The following DAB1 variants were observed in gnomAD, a reference collection of about 807,000 sequenced individuals.
The protein encoded by DAB1 is DAB adaptor protein 1.
A neutral mutation model predicts 64.6 loss-of-function variants in DAB1; 15 were observed. The ratio of observed to expected loss-of-function variants is 0.23; its 90% CI spans 0.16 to 0.36. The LOEUF (loss-of-function observed/expected upper bound fraction) is 0.36, where lower values mean the gene tolerates loss of function less well. Among genes scored for constraint, DAB1 ranks in the 10% least tolerant of loss-of-function variants. DAB1 has a pLI of 1.00. For missense variants in DAB1, 596 were observed against 706.7 expected (o/e 0.84, Z 1.78); for synonymous variants, 235 against 251.9 (o/e 0.93, Z 0.64).
chr1:58,118,513 C>T (rs1299971992), intron 5 of DAB1, among the ~76,000 whole-genome samples: 4 of 106,902 alleles, frequency 3.7e-5, no homozygotes, highest in African/African-American at 1.5e-4. Context: ...TACACACACA[C>T]ACACACACAT....
intron 1 of DAB1, among the ~76,000 whole-genome samples, chr1:57,306,271 A>G (rs1417275584): frequency 6.6e-6 from 1 of 152,130 alleles, no homozygotes; most frequent in African/African-American, 2.4e-5. Context: ...GTCACTCCTT[A>G]TCTACCTATA....
At position 57,691,010 on chromosome 1, in the gene DAB1, C is replaced by T. The variant is rs189756581; in HGVS notation, n.552-41345G>A. ...GGGATCATTGAATTTTTTTCCTATA[C>T]AGTTGTTTGAGTTCCTTATATATTA... On this transcript the variant is annotated intron_variant and non_coding_transcript_variant, in intron 6 of 20. Coordinates refer to the DAB1 transcript ENST00000485760. 3.2e-3 allele frequency among the ~76,000 whole-genome samples: 491 copies of T among 152,152 alleles called. 2 individuals carry two copies. The highest frequency in any genetic ancestry group is 5.0e-3 in the Non-Finnish European group (342 of 67,990).
chr1:58,054,480 C>T (rs1647921359), intron 5 of DAB1, among the ~76,000 whole-genome samples: 1 of 152,188 alleles, frequency 6.6e-6, no homozygotes, highest in Admixed American at 6.5e-5. Flanking sequence ...ACTAAATTAA[C>T]AAGAAGTATT....
At chr1:57,144,001 A>C (rs1658864180) in intron 3 of DAB1, among the ~76,000 whole-genome samples, 1 of 151,706 alleles carries the variant, frequency 6.6e-6, no homozygotes, top group African/African-American at 2.4e-5. Flanking sequence ...CCAAGACAGG[A>C]AACTGTATAA....
chr1:57,675,969 T>C (rs1453066180), intron 6 of DAB1, among the ~76,000 whole-genome samples: 1 of 152,030 alleles, frequency 6.6e-6, no homozygotes, highest in Non-Finnish European at 1.5e-5. Flanking sequence ...CACCCAGAAG[T>C]AGAGAACAAT....
At chr1:58,261,817 A>T (rs1661055221) in intron 4 of DAB1, among the ~76,000 whole-genome samples, 1 of 152,168 alleles carries the variant, frequency 6.6e-6, no homozygotes. Flanking sequence ...TTGGCCTCCC[A>T]GAGTGCTGGG....
At chr1:57,036,350 T>G (rs1472701592) in intron 9 of DAB1, among the ~76,000 whole-genome samples, 2 of 152,138 alleles carry the variant, frequency 1.3e-5, no homozygotes, top group African/African-American at 4.8e-5. Context: ...TCCGTATCTT[T>G]TTTTTACCTT....
chr1:57,689,426 T>C (rs1646737623), intron 6 of DAB1, among the ~76,000 whole-genome samples: 1 of 152,188 alleles, frequency 6.6e-6, no homozygotes, highest in Non-Finnish European at 1.5e-5. Context: ...ATGCTGATGC[T>C]GTAGAAAAGG....
chr1:57,300,793 T>G (rs1673581904), intron 1 of DAB1, among the ~76,000 whole-genome samples: 1 of 152,214 alleles, frequency 6.6e-6, no homozygotes, highest in African/African-American at 2.4e-5. Flanking sequence ...AATAAAAGTT[T>G]ATTCATTTAA....
chr1:57,523,789 ATGGTG>A (rs1644559040), intron 7 of DAB1, among the ~76,000 whole-genome samples: 1 of 151,878 alleles, frequency 6.6e-6, no homozygotes, highest in Non-Finnish European at 1.5e-5. Context: ...GCCGGGTGTG[ATGGTG>A]CATCCCTGTA....
chr1:57,243,879 C>A (rs1048710363), intron 2 of DAB1, among the ~76,000 whole-genome samples: 4 of 152,162 alleles, frequency 2.6e-5, no homozygotes, highest in African/African-American at 9.7e-5. Context: ...CAAGGGTGTA[C>A]CTTTTGTAAA....
intron 3 of DAB1, among the ~76,000 whole-genome samples, chr1:58,478,133 C>T (rs1645437106): frequency 1.3e-5 from 2 of 152,126 alleles, no homozygotes. Context: ...GGGGCAGTTT[C>T]CTCCATGCTG....
intron 1 of DAB1, among the ~76,000 whole-genome samples, chr1:57,882,775 A>G (rs1416801941): frequency 6.6e-6 from 1 of 152,196 alleles, no homozygotes; most frequent in Non-Finnish European, 1.5e-5. Context: ...ATTGAGCACT[A>G]TTACCAACCT....
At chr1:57,690,375 C>G (rs1204449347) in intron 6 of DAB1, among the ~76,000 whole-genome samples, 2 of 152,116 alleles carry the variant, frequency 1.3e-5, no homozygotes, top group Non-Finnish European at 2.9e-5. Context: ...GCAGATTTCC[C>G]TCTTGCTGTT....
chr1:57,964,295 ATTG>A (rs1645598767), intron 5 of DAB1, among the ~76,000 whole-genome samples: 1 of 152,164 alleles, frequency 6.6e-6, no homozygotes, highest in Non-Finnish European at 1.5e-5. Flanking sequence ...CCAACAATGT[ATTG>A]CTGTATATTC....
At chr1:57,812,577 C>T (rs1285673482) in intron 6 of DAB1, among the ~76,000 whole-genome samples, 1 of 152,162 alleles carries the variant, frequency 6.6e-6, no homozygotes, top group East Asian at 1.9e-4. Flanking sequence ...AGCTGCCAGA[C>T]AGGCAGGAAT....
intron 1 of DAB1, among the ~76,000 whole-genome samples, chr1:57,381,032 T>G (rs1329700888): frequency 1.3e-5 from 2 of 152,130 alleles, no homozygotes; most frequent in Non-Finnish European, 2.9e-5. Context: ...GAGACAGAAA[T>G]TCTCTCATGT....
At chr1:57,542,169 G>C (rs1173890891) in intron 7 of DAB1, among the ~76,000 whole-genome samples, 3 of 152,218 alleles carry the variant, frequency 2.0e-5, no homozygotes, top group Non-Finnish European at 4.4e-5. Flanking sequence ...TAGCTCTCTG[G>C]GAGTATAATA....
chr1:58,074,566 A>ATATATATATATATATATATATG (rs1557638999), intron 5 of DAB1: 2 of 11,000 alleles, frequency 1.8e-4, no homozygotes, highest in African/African-American at 5.5e-4. Context: ...ATATGTGTGT[A>ATATATATATATATATATATATG]TATATATATA....
Sources: allele counts gnomAD v4.1 joint callset (sites outside exome capture counted in the v4.1 genomes callset), GRCh38; gene constraint gnomAD v4.1.1; transcripts MANE v1.5; gene names NCBI Gene and HGNC (gene_info 2026-07-23, HGNC 2026-07-21).